The following STXBP4 variants were observed in gnomAD, a reference collection of about 807,000 sequenced individuals.
The protein encoded by STXBP4 is syntaxin binding protein 4.
Under a neutral mutation model 76.1 loss-of-function variants are expected in STXBP4, and 55 were observed. The ratio of observed to expected loss-of-function variants is 0.72; its 90% CI spans 0.58 to 0.91. The LOEUF is 0.91. Among genes scored for constraint, STXBP4 ranks in the 40% least tolerant of loss-of-function variants. STXBP4 has a pLI of 0.00. For synonymous variants in STXBP4, 201 were observed against 220.2 expected (o/e 0.91, Z 0.77); for missense variants, 618 against 636.9 (o/e 0.97, Z 0.32).
At chr17:54,999,257 C>G (rs1037503071) in intron 4 of STXBP4, 88 bp from the exon 5 acceptor site, 2 of 1,090,012 alleles carry the variant, frequency 1.8e-6, no homozygotes, top group Non-Finnish European at 1.3e-6. Flanking sequence ...GCATTCTTCA[C>G]GAAAACTTTT....
At chr17:55,081,264 A>T (rs371577476) in intron 16 of STXBP4, 81 bp downstream of exon 16, 1 of 1,196,106 alleles carries the variant, frequency 8.4e-7, no homozygotes, top group African/African-American at 1.6e-5. Context: ...GAATTTCGTT[A>T]TAGTGGCTTG....
chr17:54,973,366 T>G lies in STXBP4; in HGVS notation c.-157+4551T>G, dbSNP rs2077426335. Among the ~76,000 whole-genome samples, 2 of 152,228 alleles carry G rather than the reference T, an allele frequency of 1.3e-5. 1 individual carries two copies. Among genetic ancestry groups the G allele is most frequent in the African/African-American group, 4.8e-5 (2 of 41,456 alleles). On this transcript the variant is annotated intron_variant, in intron 1 of 17. Coordinates refer to ENST00000376352, the MANE Select transcript of STXBP4 (RefSeq NM_178509.6). ...CTTTTCTATATTAGGAAATATTTCT[T>G]TACTTTTGTCTCAGGTAAAAATCAT... is the stretch of plus-strand genomic sequence containing the variant.
At chr17:55,202,591 CA>C in the STXBP4 span, among the ~76,000 whole-genome samples, 1 of 151,986 alleles carries the variant, frequency 6.6e-6, no homozygotes, top group Non-Finnish European at 1.5e-5. Context: ...TAAAACTGGC[CA>C]GGAATTCGGA....
At chr17:55,193,066 G>A in the STXBP4 span, among the ~76,000 whole-genome samples, 1 of 152,146 alleles carries the variant, frequency 6.6e-6, no homozygotes. Context: ...ACATGACTTT[G>A]GGTTGGAGCA....
At chr17:55,030,893 C>T in intron 8 of STXBP4, 1 of 273,690 alleles carries the variant, frequency 3.7e-6, no homozygotes, top group East Asian at 7.1e-5. Context: ...ATCATATAAA[C>T]TAAGAAATAG....
the STXBP4 span, among the ~76,000 whole-genome samples, chr17:55,208,159 A>G: frequency 6.6e-6 from 1 of 151,592 alleles, no homozygotes; most frequent in Non-Finnish European, 1.5e-5. Context: ...TCTTTGGTCA[A>G]TTTAGTCCAA....
intron 8 of STXBP4, among the ~76,000 whole-genome samples, chr17:55,018,611 C>G (rs1394378720): frequency 6.6e-6 from 1 of 152,162 alleles, no homozygotes; most frequent in Admixed American, 6.5e-5. Flanking sequence ...TGGGTGCAAA[C>G]AGGCTGAGTC....
intron 12 of STXBP4, among the ~76,000 whole-genome samples, chr17:55,058,454 A>G (rs954607609): frequency 6.6e-6 from 1 of 152,128 alleles, no homozygotes; most frequent in African/African-American, 2.4e-5. Context: ...TCATGATGAA[A>G]ACTTGTTTTT....
At chr17:55,080,674 T>C (rs1401528329) in intron 15 of STXBP4, among the ~76,000 whole-genome samples, 1 of 152,072 alleles carries the variant, frequency 6.6e-6, no homozygotes, top group African/African-American at 2.4e-5. Context: ...ATAATAAATG[T>C]ATTTTAACAA....
At chr17:55,185,230 TCTTCTTCTTCTTCTTCTTCTC>T in the STXBP4 span, among the ~76,000 whole-genome samples, 2 of 46,082 alleles carry the variant, frequency 4.3e-5, no homozygotes, top group East Asian at 4.1e-4. Flanking sequence ...TTCTTCTTCT[TCTTCTTCTTCTTCTTCTTCTC>T]CTTCTCCTTC....
At chr17:55,002,363 C>A (rs144248985) in intron 7 of STXBP4, among the ~76,000 whole-genome samples, 1 of 151,814 alleles carries the variant, frequency 6.6e-6, no homozygotes, top group Non-Finnish European at 1.5e-5. Flanking sequence ...TACAGTACAA[C>A]GGGAATTATG....
At chr17:55,120,735 T>G (rs1320047823) in intron 16 of STXBP4, among the ~76,000 whole-genome samples, 1 of 152,178 alleles carries the variant, frequency 6.6e-6, no homozygotes, top group Non-Finnish European at 1.5e-5. Context: ...GGGAGTGCAT[T>G]GGAGACTGAA....
intron 16 of STXBP4, among the ~76,000 whole-genome samples, chr17:55,114,610 AAC>A (rs746869389): frequency 6.6e-6 from 1 of 152,178 alleles, no homozygotes; most frequent in Non-Finnish European, 1.5e-5. Flanking sequence ...TCCTATGGAA[AAC>A]AGTTTCTTCT....
chr17:55,123,671 C>T (rs2079872506), intron 16 of STXBP4, among the ~76,000 whole-genome samples: 1 of 151,960 alleles, frequency 6.6e-6, no homozygotes, highest in Non-Finnish European at 1.5e-5. Flanking sequence ...GAGGCTGAGG[C>T]GGGCAGATCA....
At chr17:55,128,157 T>G (rs1255265037) in intron 16 of STXBP4, among the ~76,000 whole-genome samples, 1 of 152,252 alleles carries the variant, frequency 6.6e-6, no homozygotes, top group African/African-American at 2.4e-5. Context: ...GAGGCAAATT[T>G]CTACAGTCAG....
At chr17:55,012,445 T>C (rs140101863) in intron 8 of STXBP4, among the ~76,000 whole-genome samples, 1,676 of 152,270 alleles carry the variant, frequency 0.011, 19 homozygotes, top group Middle Eastern at 0.02. Context: ...TCTATTTCCC[T>C]TTTCTTTCCT....
At chr17:55,011,930 A>G (rs2078123653) in intron 8 of STXBP4, among the ~76,000 whole-genome samples, 1 of 152,032 alleles carries the variant, frequency 6.6e-6, no homozygotes, top group South Asian at 2.1e-4. Context: ...GGGGTGTAGT[A>G]GGGTTTGTGC....
chr17:55,075,102 A>G (rs2079165091), intron 13 of STXBP4, among the ~76,000 whole-genome samples: 1 of 151,948 alleles, frequency 6.6e-6, no homozygotes, highest in Non-Finnish European at 1.5e-5. Context: ...AAACATTACT[A>G]GTACCTTTGA....
intron 12 of STXBP4, among the ~76,000 whole-genome samples, chr17:55,066,866 A>G (rs189632952): frequency 8.7e-4 from 133 of 152,320 alleles, no homozygotes; most frequent in African/African-American, 3.1e-3. Flanking sequence ...AGCCTAGGCA[A>G]CACAGTGAGA....
Sources: allele counts gnomAD v4.1 joint callset (sites outside exome capture counted in the v4.1 genomes callset), GRCh38; gene constraint gnomAD v4.1.1; transcripts MANE v1.5; gene names NCBI Gene and HGNC (gene_info 2026-07-23, HGNC 2026-07-21).